Variants in MAOA observed in about 807,000 individuals in gnomAD.
The protein encoded by MAOA is monoamine oxidase A.
A neutral mutation model predicts 42.0 loss-of-function variants in MAOA; 6 were observed. The observed-to-expected ratio is 0.14, with a 90% CI of 0.08 to 0.28. MAOA has a LOEUF of 0.28. MAOA is among the 10% of genes least tolerant of loss of function. The probability of loss-of-function intolerance (pLI) is 1.00; values close to 1 mark genes in which losing one functional copy is unlikely to be tolerated. For missense variants in MAOA, 262 were observed against 422.3 expected (o/e 0.62, Z 3.33); for synonymous variants, 140 against 154.0 (o/e 0.91, Z 0.67).
intron 1 of MAOA, among the ~76,000 whole-genome samples, chrX:43,665,287 G>A (rs755019197): frequency 9.9e-5 from 11 of 111,453 alleles, no homozygotes; most frequent in Non-Finnish European, 5.7e-5. Context: ...GGGTCTTTTT[G>A]CTGCAGGACT....
intron 10 of MAOA, among the ~76,000 whole-genome samples, chrX:43,737,461 C>T (rs975784154): frequency 1.8e-5 from 2 of 111,785 alleles, no homozygotes; most frequent in African/African-American, 6.5e-5. Context: ...ATTATGATGC[C>T]AACAGATTCA....
chrX:43,717,709 G>A (rs948811896), intron 5 of MAOA, among the ~76,000 whole-genome samples: 4 of 110,983 alleles, frequency 3.6e-5, no homozygotes, highest in African/African-American at 6.6e-5. Flanking sequence ...GACCCACTGG[G>A]GTCGAGGGAA....
intron 3 of MAOA, among the ~76,000 whole-genome samples, chrX:43,708,973 G>T (rs2033679861): frequency 9.1e-6 from 1 of 110,418 alleles, no homozygotes; most frequent in Admixed American, 9.6e-5. Flanking sequence ...TGATTCTCCT[G>T]CCCCAGCCTC....
chrX:43,683,647 C>T (rs1569192468), intron 2 of MAOA, 40 bp downstream of exon 2: 3 of 1,044,242 alleles, frequency 2.9e-6, no homozygotes, highest in Non-Finnish European at 2.7e-6. Flanking sequence ...TAATATCTCA[C>T]TCAAACTACA....
chrX:43,733,449 C>A (rs765908629), intron 9 of MAOA, among the ~76,000 whole-genome samples: 2 of 111,238 alleles, frequency 1.8e-5, no homozygotes, highest in South Asian at 7.7e-4. Flanking sequence ...TCTTCTCATT[C>A]CGGCACATAG....
chrX:43,663,377 A>G (rs1458137717), intron 1 of MAOA, among the ~76,000 whole-genome samples: 1 of 111,867 alleles, frequency 8.9e-6, no homozygotes, highest in African/African-American at 3.2e-5. Flanking sequence ...TGATTGACTA[A>G]GAGTGTTAAG....
rs1366483750 is a variant in MAOA at position 43,692,214 on chromosome X, G to C, written c.169-1077G>C. Among the ~76,000 whole-genome samples the C allele has an allele frequency of 3.6e-5, 4 of 110,968 alleles. No homozygotes were observed. In the East Asian group the frequency reaches 1.1e-3, roughly 32 times the overall value. On this transcript the variant is annotated intron_variant, in intron 2 of 14. Transcript: ENST00000338702. ...GTGCTTTGGACCTAGTGCAAAGCTA[G>C]GGTGACAGGTCAAGTCCAGAGCCCC... is the stretch of plus-strand genomic sequence containing the variant.
At chrX:43,669,858 A>T (rs1041244133) in intron 1 of MAOA, among the ~76,000 whole-genome samples, 1 of 111,872 alleles carries the variant, frequency 8.9e-6, no homozygotes, top group African/African-American at 3.3e-5. Flanking sequence ...AACAATGTTG[A>T]CAAATTCTGT....
At chrX:43,667,111 C>T (rs1267913326) in intron 1 of MAOA, among the ~76,000 whole-genome samples, 2 of 110,263 alleles carry the variant, frequency 1.8e-5, no homozygotes, top group Middle Eastern at 4.6e-3. Flanking sequence ...GCACATTGTG[C>T]ACATGTACCC....
At chrX:43,705,489 A>G (rs144111627) in intron 3 of MAOA, among the ~76,000 whole-genome samples, 2,971 of 112,204 alleles carry the variant, frequency 0.026, 40 homozygotes, top group Middle Eastern at 0.074. Flanking sequence ...AGACCTAACT[A>G]TAAGAGCTAA....
At chrX:43,656,633 T>C (rs1601921331) in intron 1 of MAOA, among the ~76,000 whole-genome samples, 1 of 111,469 alleles carries the variant, frequency 9.0e-6, no homozygotes, top group East Asian at 2.8e-4. Context: ...CTACTACTAC[T>C]ATTAAATACT....
chrX:43,726,277 G>A (rs1357457348), intron 5 of MAOA, among the ~76,000 whole-genome samples: 1 of 111,782 alleles, frequency 8.9e-6, no homozygotes, highest in Non-Finnish European at 1.9e-5. Context: ...TTTCCAAGTT[G>A]GTTCCATTCT....
chrX:43,728,397 CT>C (rs2033856110), intron 6 of MAOA, 83 bp downstream of exon 6: 5 of 1,027,521 alleles, frequency 4.9e-6, no homozygotes, highest in Non-Finnish European at 6.8e-6. Flanking sequence ...TTAATAGTTG[CT>C]TCAGGATTTT....
rs768320086 is a variant in MAOA at position 43,659,188 on chromosome X, G to T, written c.73+2774G>T. On this transcript the variant is annotated intron_variant, in intron 1 of 14. Transcript: ENST00000338702. Reference sequence around the variant, plus strand: ...ACACAGAGAATAGCAGCATCTGGATGTATCTCCTTTTTTGTCATTATAAAA... The same window carrying T: ...ACACAGAGAATAGCAGCATCTGGATTTATCTCCTTTTTTGTCATTATAAAA... Among the ~76,000 whole-genome samples, 7 of 111,804 alleles carry T rather than the reference G, an allele frequency of 6.3e-5. 1 individual carries two copies. Among genetic ancestry groups the T allele is most frequent in the Non-Finnish European group, 1.1e-4 (6 of 53,189 alleles).
At chrX:43,710,488 C>CT (rs1454744988) in intron 3 of MAOA, among the ~76,000 whole-genome samples, 1 of 112,088 alleles carries the variant, frequency 8.9e-6, no homozygotes, top group African/African-American at 3.2e-5. Flanking sequence ...TGTTTTAGCC[C>CT]TTTAAAAAAT....
chrX:43,669,474 G>A (rs1016915420), intron 1 of MAOA, among the ~76,000 whole-genome samples: 17 of 110,899 alleles, frequency 1.5e-4, no homozygotes, highest in African/African-American at 5.2e-4. Context: ...TTTTCTTTTT[G>A]TTTTTCTTTC....
At chrX:43,709,582 CAG>C (rs2033684701) in intron 3 of MAOA, among the ~76,000 whole-genome samples, 1 of 110,826 alleles carries the variant, frequency 9.0e-6, no homozygotes, top group Non-Finnish European at 1.9e-5. Flanking sequence ...AAGCAAAGAT[CAG>C]TTTTGCATTA....
chrX:43,683,849 T>C (rs1344846366), intron 2 of MAOA, among the ~76,000 whole-genome samples: 1 of 111,159 alleles, frequency 9.0e-6, no homozygotes, highest in African/African-American at 3.3e-5. Context: ...ATAACTTCAA[T>C]ACAGTGTCAT....
At chrX:43,708,757 G>A (rs1318630593) in intron 3 of MAOA, among the ~76,000 whole-genome samples, 1 of 108,478 alleles carries the variant, frequency 9.2e-6, no homozygotes, top group Non-Finnish European at 1.9e-5. Flanking sequence ...CCGCCTCCAG[G>A]GTTCAAGCAA....
Sources: gnomAD v4.1 joint callset for allele counts (sites outside exome capture counted in the v4.1 genomes callset) on GRCh38, gnomAD v4.1.1 for gene constraint, MANE v1.5 for transcripts, NCBI Gene and HGNC (gene_info 2026-07-23, HGNC 2026-07-21) for gene names.